KCND2: variants seen among roughly 807,000 people sequenced by gnomAD.
KCND2 encodes A-type voltage-gated potassium channel KCND2.
Under a neutral mutation model 54.4 loss-of-function variants are expected in KCND2, and 16 were observed. The observed-to-expected ratio is 0.29, with a 90% CI of 0.20 to 0.45. KCND2 has a LOEUF of 0.45. Among genes scored for constraint, KCND2 ranks in the 20% least tolerant of loss-of-function variants. KCND2 has a pLI of 1.00. For synonymous variants in KCND2, 317 were observed against 310.7 expected (o/e 1.02, Z -0.21); for missense variants, 486 against 824.2 (o/e 0.59, Z 5.02).
chr7:120,396,498 CT>C (rs1012971922), intron 1 of KCND2, among the ~76,000 whole-genome samples: 1 of 151,824 alleles, frequency 6.6e-6, no homozygotes, highest in African/African-American at 2.4e-5. Context: ...TCTTTGGTTT[CT>C]TTTTTAATAG....
chr7:120,542,990 G>T (rs1024725006), intron 1 of KCND2, among the ~76,000 whole-genome samples: 1 of 151,926 alleles, frequency 6.6e-6, no homozygotes, highest in Admixed American at 6.6e-5. Flanking sequence ...TCCAGAAAAA[G>T]ATAATACACA....
At chr7:120,392,418 A>T (rs1419223930) in intron 1 of KCND2, among the ~76,000 whole-genome samples, 1 of 151,566 alleles carries the variant, frequency 6.6e-6, no homozygotes, top group Non-Finnish European at 1.5e-5. Flanking sequence ...ATTCCATATA[A>T]AATTTAAAGT....
At chr7:120,438,100 A>C (rs1221831212) in intron 1 of KCND2, among the ~76,000 whole-genome samples, 1 of 152,228 alleles carries the variant, frequency 6.6e-6, no homozygotes, top group Non-Finnish European at 1.5e-5. Flanking sequence ...ATGAAACTGA[A>C]GAGACTTTAG....
At chr7:120,414,919 A>G (rs1801504195) in intron 1 of KCND2, among the ~76,000 whole-genome samples, 1 of 152,256 alleles carries the variant, frequency 6.6e-6, no homozygotes, top group East Asian at 1.9e-4. Flanking sequence ...AGCTTAGATT[A>G]CATGGATCAT....
chr7:120,350,512 C>T (rs1482193264), intron 1 of KCND2, among the ~76,000 whole-genome samples: 13 of 151,990 alleles, frequency 8.6e-5, no homozygotes, highest in Admixed American at 8.5e-4. Context: ...TAACAGTGCA[C>T]TAATGGAAAT....
chr7:120,464,839 G>T (rs547717937), intron 1 of KCND2, among the ~76,000 whole-genome samples: 29 of 152,232 alleles, frequency 1.9e-4, no homozygotes, highest in African/African-American at 6.3e-4. Context: ...GCCAGCAACA[G>T]CACTTGGAGC....
intron 1 of KCND2, among the ~76,000 whole-genome samples, chr7:120,601,973 A>G (rs551761180): frequency 6.6e-6 from 1 of 152,322 alleles, no homozygotes; most frequent in South Asian, 2.1e-4. Flanking sequence ...AAATCTTCAA[A>G]AATAAAACTG....
intron 1 of KCND2, among the ~76,000 whole-genome samples, chr7:120,725,775 A>G (rs1304917640): frequency 6.6e-6 from 1 of 152,186 alleles, no homozygotes. Flanking sequence ...TTCAAATGAG[A>G]AGTTTTAAAC....
Position 120,274,141 on chromosome 7 carries a change from C to T in KCND2, c.-492C>T. On this transcript the variant is annotated 5_prime_UTR_variant, in exon 1 of 6. Transcript: ENST00000331113. ...GAGACTCCTTTGGCGGGAAGGGCTA[C>T]TTGGAAAGGAAGGTTTGAAAGAGTG... 6.2e-6 allele frequency: 1 copy of T among 160,926 alleles called. No individual in the cohort carries two copies. Among genetic ancestry groups the T allele is most frequent in the South Asian group, 1.7e-4 (1 of 5,726 alleles). 10.0% of individuals were successfully genotyped at this position (160,926 alleles called of 1,614,324 possible).
intron 1 of KCND2, among the ~76,000 whole-genome samples, chr7:120,627,849 T>G (rs1005541203): frequency 1.6e-4 from 24 of 151,914 alleles, no homozygotes; most frequent in Non-Finnish European, 3.2e-4. Flanking sequence ...TATATAATAT[T>G]AAAACCATCT....
intron 1 of KCND2, among the ~76,000 whole-genome samples, chr7:120,341,010 A>G (rs1306992682): frequency 1.3e-5 from 2 of 152,194 alleles, no homozygotes; most frequent in Non-Finnish European, 2.9e-5. Context: ...GGTGAAATGA[A>G]TTGTATTTGT....
At chr7:120,288,361 T>A (rs1000869641) in intron 1 of KCND2, among the ~76,000 whole-genome samples, 11 of 152,146 alleles carry the variant, frequency 7.2e-5, no homozygotes, top group Non-Finnish European at 1.3e-4. Flanking sequence ...CAGAAGTTGA[T>A]TTGAAAGGAT....
intron 1 of KCND2, among the ~76,000 whole-genome samples, chr7:120,515,968 G>A (rs1803191074): frequency 6.6e-6 from 1 of 152,110 alleles, no homozygotes; most frequent in African/African-American, 2.4e-5. Flanking sequence ...TATGTAACCA[G>A]CACCTTAGCA....
At chr7:120,510,076 A>G (rs1424575768) in intron 1 of KCND2, among the ~76,000 whole-genome samples, 2 of 152,116 alleles carry the variant, frequency 1.3e-5, no homozygotes, top group South Asian at 4.1e-4. Context: ...ATGTGACACA[A>G]ATCCCCTAGT....
At chr7:120,728,450 C>A (rs1429107494) in intron 1 of KCND2, among the ~76,000 whole-genome samples, 1 of 151,774 alleles carries the variant, frequency 6.6e-6, no homozygotes, top group Non-Finnish European at 1.5e-5. Flanking sequence ...TGCCACCACA[C>A]CCGGCTAACA....
At chr7:120,282,608 A>G (rs1292186062) in intron 1 of KCND2, among the ~76,000 whole-genome samples, 1 of 152,128 alleles carries the variant, frequency 6.6e-6, no homozygotes, top group African/African-American at 2.4e-5. Flanking sequence ...GGAAAAAATA[A>G]CATTGAAAGA....
At chr7:120,460,503 A>G (rs542936776) in intron 1 of KCND2, among the ~76,000 whole-genome samples, 1 of 151,326 alleles carries the variant, frequency 6.6e-6, no homozygotes, top group Non-Finnish European at 1.5e-5. Flanking sequence ...CTCAGCCCCC[A>G]AAGGCATCCT....
In KCND2 at chr7:120,335,081, C is replaced by A. The variant is rs568405425; in HGVS notation, c.1115+59334C>A. On this transcript the variant is annotated intron_variant, in intron 1 of 5. Coordinates refer to ENST00000331113, the MANE Select transcript of KCND2 (RefSeq NM_012281.3). ...ATAAAATTGAGTTTAAAAAGTAATC[C>A]TGGCTGGGCGTGATGGCTCACACCT... 3.9e-5 allele frequency among the ~76,000 whole-genome samples: 6 copies of A among 152,098 alleles called. No homozygotes were observed. In the South Asian group the frequency reaches 1.2e-3, roughly 32 times the overall value.
At chr7:120,617,141 T>G (rs1162878239) in intron 1 of KCND2, among the ~76,000 whole-genome samples, 1 of 152,196 alleles carries the variant, frequency 6.6e-6, no homozygotes, top group Non-Finnish European at 1.5e-5. Context: ...TTTCTTAGGC[T>G]ATCACCTGGG....
Sources: allele counts gnomAD v4.1 joint callset (sites outside exome capture counted in the v4.1 genomes callset), GRCh38; gene constraint gnomAD v4.1.1; transcripts MANE v1.5; gene names NCBI Gene and HGNC (gene_info 2026-07-23, HGNC 2026-07-21).